CSMD1: variants seen among roughly 807,000 people sequenced by gnomAD.
CSMD1 encodes CUB and sushi domain-containing protein 1.
Under a neutral mutation model 417.5 loss-of-function variants are expected in CSMD1, and 213 were observed. That is an observed-to-expected ratio of 0.51 (90% CI 0.46 to 0.57). The LOEUF (loss-of-function observed/expected upper bound fraction) is 0.57, where lower values mean the gene tolerates loss of function less well. Ranked by LOEUF, CSMD1 falls within the 20% of genes least tolerant of loss-of-function variation. The probability of loss-of-function intolerance (pLI) is 0.00; values close to 1 mark genes in which losing one functional copy is unlikely to be tolerated. For missense variants in CSMD1, 6,923 were observed against 4,529.7 expected, an observed-to-expected ratio of 1.53 and a Z score of -15.17; for synonymous variants, 2,862 against 1,736.8, an observed-to-expected ratio of 1.65 and a Z score of -16.11.
intron 3 of CSMD1, among the ~76,000 whole-genome samples, chr8:4,144,067 G>A (rs530593435): frequency 2.0e-5 from 3 of 151,204 alleles, no homozygotes; most frequent in African/African-American, 7.4e-5. Flanking sequence ...TGGGGAGACG[G>A]AAGTTTTTCC....
At chr8:3,123,822 G>A (rs914372677) in intron 41 of CSMD1, among the ~76,000 whole-genome samples, 11 of 152,188 alleles carry the variant, frequency 7.2e-5, no homozygotes, top group African/African-American at 2.7e-4. Flanking sequence ...GCGTTTAACA[G>A]AGACACACAC....
At chr8:3,809,524 T>G (rs563592046) in intron 5 of CSMD1, among the ~76,000 whole-genome samples, 79 of 152,226 alleles carry the variant, frequency 5.2e-4, no homozygotes, top group African/African-American at 1.9e-3. Flanking sequence ...TCCCAGAAAT[T>G]AGTGGGTTCT....
chr8:3,075,004 T>C (rs939506095), intron 49 of CSMD1, among the ~76,000 whole-genome samples: 7 of 152,118 alleles, frequency 4.6e-5, no homozygotes, highest in African/African-American at 1.7e-4. Context: ...TTCCTTTTGG[T>C]GCTGTCCTCA....
chr8:4,425,689 G>C (rs1243188947), intron 2 of CSMD1, among the ~76,000 whole-genome samples: 1 of 151,976 alleles, frequency 6.6e-6, no homozygotes, highest in Admixed American at 6.6e-5. Context: ...ATAAGCAACT[G>C]GCTTATTTTC....
intron 6 of CSMD1, among the ~76,000 whole-genome samples, chr8:3,739,624 T>C (rs1447395680): frequency 6.6e-6 from 1 of 152,218 alleles, no homozygotes; most frequent in Non-Finnish European, 1.5e-5. Flanking sequence ...AAGGCCTTTC[T>C]GTGCTGAACA....
chr8:3,680,883 T>C (rs10113792), intron 7 of CSMD1, among the ~76,000 whole-genome samples: 22,572 of 152,182 alleles, frequency 0.15, 1,864 homozygotes, highest in South Asian at 0.21. Context: ...GCTGGTTCAA[T>C]ATACGCAAAT....
chr8:2,952,687 AAT>A (rs1491070494), intron 65 of CSMD1, among the ~76,000 whole-genome samples: 1 of 145,198 alleles, frequency 6.9e-6, no homozygotes, highest in Non-Finnish European at 1.5e-5. Context: ...GTACATAAAA[AAT>A]ATCTTCCCTA....
intron 2 of CSMD1, among the ~76,000 whole-genome samples, chr8:4,433,566 G>C (rs1036804420): frequency 3.3e-5 from 5 of 152,128 alleles, no homozygotes; most frequent in Non-Finnish European, 5.9e-5. Flanking sequence ...GACATGTGCT[G>C]CAACAGAGAG....
intron 3 of CSMD1, among the ~76,000 whole-genome samples, chr8:4,108,673 T>G: frequency 6.6e-6 from 1 of 152,264 alleles, no homozygotes; most frequent in East Asian, 1.9e-4. Flanking sequence ...CAAATTATTT[T>G]CCCCCTTTTA....
chr8:3,656,985 G>C (rs567157296), intron 7 of CSMD1, among the ~76,000 whole-genome samples: 1 of 151,828 alleles, frequency 6.6e-6, no homozygotes, highest in Admixed American at 6.6e-5. Context: ...GTGAATTTTA[G>C]GACATGGGGA....
At chr8:4,458,931 G>T (rs542756568) in intron 2 of CSMD1, among the ~76,000 whole-genome samples, 2 of 152,188 alleles carry the variant, frequency 1.3e-5, no homozygotes, top group African/African-American at 4.8e-5. Flanking sequence ...GTTTCTGGAA[G>T]TGCATTAAGC....
At chr8:4,303,420 CTGTTTTTTTTTTTTTTTTTTT>C (rs1798085807) in intron 3 of CSMD1, among the ~76,000 whole-genome samples, 1 of 92,332 alleles carries the variant, frequency 1.1e-5, no homozygotes, top group African/African-American at 4.3e-5. Context: ...GGGCAGGAAG[CTGTTTTTTTTTTTTTTTTTTT>C]TTTTTTTTTT....
chr8:4,430,304 A>C (rs1340808260), intron 2 of CSMD1, among the ~76,000 whole-genome samples: 2 of 152,136 alleles, frequency 1.3e-5, no homozygotes, highest in Admixed American at 6.5e-5. Flanking sequence ...TATTGCAGTT[A>C]AACCACTGCA....
At chr8:4,391,786 G>T (rs1025333168) in intron 3 of CSMD1, among the ~76,000 whole-genome samples, 1 of 152,116 alleles carries the variant, frequency 6.6e-6, no homozygotes, top group African/African-American at 2.4e-5. Flanking sequence ...CCCTGAGTTT[G>T]AGCGGCTGCT....
chr8:3,462,130 C>A (rs555847049), intron 12 of CSMD1, among the ~76,000 whole-genome samples: 3 of 152,104 alleles, frequency 2.0e-5, no homozygotes, highest in Middle Eastern at 3.2e-3. Context: ...AGGCCCCCCC[C>A]CCCACCTCCC....
Position 4,987,294 on chromosome 8 carries a change from T to G in CSMD1, c.85+7038A>C, listed in dbSNP as rs1259174655. Reference sequence around the variant, plus strand: ...TTAGGCACACAAAGTTTACATAGAGTGTTCAAAAACTGTGTGTCATGCCCA... The same window carrying G: ...TTAGGCACACAAAGTTTACATAGAGGGTTCAAAAACTGTGTGTCATGCCCA... On this transcript the variant is annotated intron_variant, in intron 1 of 69. Transcript: ENST00000635120. Among the ~76,000 whole-genome samples, 2 of 152,224 alleles carry G rather than the reference T, an allele frequency of 1.3e-5. 1 individual carries two copies. The highest frequency in any genetic ancestry group is 4.2e-4 in the South Asian group (2 of 4,812).
Position 4,238,871 on chromosome 8 carries a change from A to AT in CSMD1, c.415+181081dup, listed in dbSNP as rs542225106. ...TTTTTAAAAATCGATAGCAAATGCAATTTTTTTAGCAAATGCTTTTTTGAG... is the reference window on the plus strand; with the variant it reads ...TTTTTAAAAATCGATAGCAAATGCAATTTTTTTTAGCAAATGCTTTTTTGAG... On this transcript the variant is annotated intron_variant, in intron 3 of 69. Coordinates refer to ENST00000635120, the MANE Select transcript of CSMD1 (RefSeq NM_033225.6). Among the ~76,000 whole-genome samples the AT allele has an allele frequency of 4.1e-3, 620 of 152,248 alleles. 6 individuals are homozygous for AT. The highest frequency in any genetic ancestry group is 0.014 in the African/African-American group (584 of 41,548).
At chr8:3,757,436 T>C (rs995499956) in intron 5 of CSMD1, among the ~76,000 whole-genome samples, 3 of 152,220 alleles carry the variant, frequency 2.0e-5, no homozygotes, top group African/African-American at 7.2e-5. Context: ...AATTTTTTTG[T>C]GTCACAAAAT....
intron 3 of CSMD1, among the ~76,000 whole-genome samples, chr8:4,133,004 G>C (rs1184665184): frequency 3.3e-5 from 5 of 152,084 alleles, no homozygotes; most frequent in African/African-American, 9.7e-5. Flanking sequence ...CGCGATCTCG[G>C]CTCACTGCAA....
Sources: allele counts gnomAD v4.1 joint callset (sites outside exome capture counted in the v4.1 genomes callset), GRCh38; gene constraint gnomAD v4.1.1; transcripts MANE v1.5; gene names NCBI Gene and HGNC (gene_info 2026-07-23, HGNC 2026-07-21).